ADAM12: variants seen among roughly 807,000 people sequenced by gnomAD.
ADAM12 encodes disintegrin and metalloproteinase domain-containing protein 12.
A neutral mutation model predicts 106.4 loss-of-function variants in ADAM12; 70 were observed. The observed-to-expected ratio is 0.66, with a 90% CI of 0.54 to 0.80. The LOEUF (loss-of-function observed/expected upper bound fraction) is 0.80. Among genes scored for constraint, ADAM12 ranks in the 30% least tolerant of loss-of-function variants. ADAM12 has a pLI of 0.00. For missense variants in ADAM12, 1,010 were observed against 1,171.9 expected (o/e 0.86, Z 2.02); for synonymous variants, 420 against 433.5 (o/e 0.97, Z 0.39).
intron 1 of ADAM12, among the ~76,000 whole-genome samples, chr10:126,378,396 G>A (rs1229887094): frequency 6.6e-6 from 1 of 152,152 alleles, no homozygotes; most frequent in Non-Finnish European, 1.5e-5. Context: ...CAACAGAGGA[G>A]TACACAAATT....
At chr10:126,198,467 C>T (rs139632833) in intron 3 of ADAM12, among the ~76,000 whole-genome samples, 18 of 152,304 alleles carry the variant, frequency 1.2e-4, no homozygotes, top group African/African-American at 3.6e-4. Context: ...TGCATTTCAC[C>T]GGCTCTTGCA....
At chr10:126,215,842 G>A (rs1957977960) in intron 3 of ADAM12, among the ~76,000 whole-genome samples, 1 of 152,204 alleles carries the variant, frequency 6.6e-6, no homozygotes, top group African/African-American at 2.4e-5. Context: ...AAAATCAGGG[G>A]TGTTAGCCAA....
At chr10:126,210,010 G>A (rs1023768808) in intron 3 of ADAM12, among the ~76,000 whole-genome samples, 5 of 152,094 alleles carry the variant, frequency 3.3e-5, no homozygotes, top group African/African-American at 4.8e-5. Flanking sequence ...ACTACATCTC[G>A]GGATCCTCCG....
intron 1 of ADAM12, among the ~76,000 whole-genome samples, chr10:126,361,160 C>G (rs1855729952): frequency 6.6e-6 from 1 of 152,126 alleles, no homozygotes; most frequent in Non-Finnish European, 1.5e-5. Context: ...GGTGGGGACA[C>G]AGCCAAACCT....
At chr10:126,322,089 T>C (rs1358605329) in intron 2 of ADAM12, among the ~76,000 whole-genome samples, 1 of 152,254 alleles carries the variant, frequency 6.6e-6, no homozygotes, top group Non-Finnish European at 1.5e-5. Flanking sequence ...TTTCATATTC[T>C]AAAATTGTTT....
At chr10:126,091,357 T>G (rs987145332) in intron 11 of ADAM12, among the ~76,000 whole-genome samples, 1 of 152,226 alleles carries the variant, frequency 6.6e-6, no homozygotes, top group African/African-American at 2.4e-5. Flanking sequence ...GATGGATGAC[T>G]GAGGGTTGAC....
chr10:126,119,888 C>A (rs576718337), intron 5 of ADAM12, among the ~76,000 whole-genome samples: 40 of 152,262 alleles, frequency 2.6e-4, no homozygotes, highest in Non-Finnish European at 4.6e-4. Flanking sequence ...TAAGGTGGGG[C>A]AGTGAAGTGC....
intron 1 of ADAM12, among the ~76,000 whole-genome samples, chr10:126,349,006 C>T (rs1246136514): frequency 6.6e-6 from 1 of 152,184 alleles, no homozygotes; most frequent in Non-Finnish European, 1.5e-5. Context: ...CAATACGTTT[C>T]AATAGATTCT....
chr10:126,163,570 C>T (rs889798093), intron 3 of ADAM12, among the ~76,000 whole-genome samples: 17 of 146,750 alleles, frequency 1.2e-4, no homozygotes, highest in African/African-American at 4.7e-4. Context: ...AATTATCCAA[C>T]TTTAACTTTA....
intron 3 of ADAM12, among the ~76,000 whole-genome samples, chr10:126,241,847 T>C (rs894926622): frequency 6.6e-6 from 1 of 152,210 alleles, no homozygotes; most frequent in African/African-American, 2.4e-5. Flanking sequence ...CTTTACAGGG[T>C]CTTGACAGTA....
In ADAM12 at chr10:126,064,931, G is replaced by A; in HGVS notation, c.1484C>T (p.Ala495Val). The A allele has an allele frequency of 1.9e-6, 3 of 1,613,230 alleles. No individual in the cohort carries two copies. The South Asian group carries it at 3.3e-5, about 18-fold the overall frequency. ...SCDLPEFCTG[A>V]SPHCPANVYL... ...CACGTTGGCTGGGCAGTGAGGGCTGGCCCCTGTGCAGAACTCTGGGAGGTC... is the reference window on the plus strand; with the variant it reads ...CACGTTGGCTGGGCAGTGAGGGCTGACCCCTGTGCAGAACTCTGGGAGGTC... Residue 495 changes from alanine (A) to valine (V), a missense_variant, in exon 14 of 23, where the codon GCC (alanine) becomes GTC (valine). Transcript: ENST00000448723. This position sits in a 1 kb window ranked among gnomAD's most constrained non-coding sequence, Gnocchi z 4.4.
At chr10:126,206,857 GGGC>G (rs969526726) in intron 3 of ADAM12, among the ~76,000 whole-genome samples, 15 of 137,968 alleles carry the variant, frequency 1.1e-4, no homozygotes, top group African/African-American at 3.4e-4. Context: ...TGTGTTGTGG[GGGC>G]GGGGGGGAGC....
intron 4 of ADAM12, among the ~76,000 whole-genome samples, chr10:126,142,237 T>C (rs1305429926): frequency 6.6e-6 from 1 of 151,442 alleles, no homozygotes; most frequent in East Asian, 1.9e-4. Context: ...TACAGAGGAG[T>C]GGAGTGGGAA....
At chr10:126,318,703 A>G (rs1853983015) in intron 2 of ADAM12, among the ~76,000 whole-genome samples, 1 of 152,212 alleles carries the variant, frequency 6.6e-6, no homozygotes, top group Non-Finnish European at 1.5e-5. Flanking sequence ...TAAAATAAAT[A>G]AGAGTATTGG....
At chr10:126,298,041 G>C (rs1348626050) in intron 2 of ADAM12, among the ~76,000 whole-genome samples, 1 of 152,098 alleles carries the variant, frequency 6.6e-6, no homozygotes, top group African/African-American at 2.4e-5. Flanking sequence ...AAGTAGATCA[G>C]TCTTCACAAA....
chr10:126,158,128 A>G (rs1262766093), intron 3 of ADAM12, among the ~76,000 whole-genome samples: 1 of 152,152 alleles, frequency 6.6e-6, no homozygotes, highest in Admixed American at 6.5e-5. Flanking sequence ...AACTGGAGGG[A>G]TGGGGCTGAG....
At position 126,040,233 on chromosome 10, in the gene ADAM12, A is replaced by G. The variant is rs538476653; in HGVS notation, c.2105-804T>C. Reference sequence around the variant, plus strand: ...GACTCTAAATGCTCAGACTTAGAGGAGGTCTACCTGTGATTTCAACTGGAC... The same window carrying G: ...GACTCTAAATGCTCAGACTTAGAGGGGGTCTACCTGTGATTTCAACTGGAC... On this transcript the variant is annotated intron_variant, in intron 18 of 22. Coordinates refer to ENST00000448723, the MANE Select transcript of ADAM12 (RefSeq NM_001288973.2). 2.0e-5 allele frequency among the ~76,000 whole-genome samples: 3 copies of G among 152,324 alleles called. No homozygotes were observed. The South Asian group carries it at 6.2e-4, about 32-fold the overall frequency.
At chr10:126,315,245 A>C (rs922530738) in intron 2 of ADAM12, among the ~76,000 whole-genome samples, 2 of 152,176 alleles carry the variant, frequency 1.3e-5, no homozygotes, top group African/African-American at 2.4e-5. Context: ...TTACTTAACT[A>C]AAGACGTACG....
At chr10:126,262,315 C>T (rs551120940) in intron 3 of ADAM12, among the ~76,000 whole-genome samples, 4 of 151,982 alleles carry the variant, frequency 2.6e-5, no homozygotes, top group Non-Finnish European at 5.9e-5. Context: ...ATAGGAATTC[C>T]ATGCCAATGA....
Sources: allele counts gnomAD v4.1 joint callset (sites outside exome capture counted in the v4.1 genomes callset), GRCh38; gene constraint gnomAD v4.1.1; non-coding constraint Gnocchi (gnomAD v3.1); transcripts MANE v1.5; gene names NCBI Gene and HGNC (gene_info 2026-07-23, HGNC 2026-07-21).